The following SPTBN1 variants were observed in gnomAD, a reference collection of about 807,000 sequenced individuals.
The protein encoded by SPTBN1 is spectrin beta, non-erythrocytic 1.
In SPTBN1, 32 loss-of-function variants were observed where a neutral mutation model predicts 266.4. That is an observed-to-expected ratio of 0.12 (90% CI 0.09 to 0.16). The LOEUF is 0.16. Ranked by LOEUF, SPTBN1 falls within the 10% of genes least tolerant of loss-of-function variation. The pLI is 1.00. For missense variants in SPTBN1, 2,296 were observed against 3,067.1 expected, an observed-to-expected ratio of 0.75 and a Z score of 5.94; for synonymous variants, 1,336 against 1,162.2, an observed-to-expected ratio of 1.15 and a Z score of -3.04.
intron 2 of SPTBN1, among the ~76,000 whole-genome samples, chr2:54,528,873 T>TG (rs150543482): frequency 0.019 from 2,932 of 152,146 alleles, 100 homozygotes; most frequent in African/African-American, 0.064. Context: ...TGATACTGGA[T>TG]GGGGGGGCAG....
intron 7 of SPTBN1, 78 bp downstream of exon 7, chr2:54,618,271 C>A: frequency 8.1e-7 from 1 of 1,228,670 alleles, no homozygotes; most frequent in Non-Finnish European, 1.1e-6. Flanking sequence ...TGTTTTGTGT[C>A]AGTCTGTTTC....
At chr2:54,542,715 G>A (rs552206565) in intron 2 of SPTBN1, among the ~76,000 whole-genome samples, 1 of 152,148 alleles carries the variant, frequency 6.6e-6, no homozygotes, top group Non-Finnish European at 1.5e-5. Flanking sequence ...TGAGATTGTG[G>A]CTGAGGGCTT....
At chr2:54,532,012 G>A (rs1671279863) in intron 2 of SPTBN1, among the ~76,000 whole-genome samples, 4 of 152,104 alleles carry the variant, frequency 2.6e-5, no homozygotes, top group South Asian at 4.1e-4. Context: ...TAGAATTGCC[G>A]GGCGCAGTGG....
In SPTBN1 at chr2:54,661,944, C is replaced by T. The variant is rs990418049; in HGVS notation, c.6420+1945C>T. ...ATAACAAAATTTTAATTACAATTGG[C>T]TTGTATGAGAAGAAAAAGTATTTTT... On this transcript the variant is annotated intron_variant, in intron 32 of 35. Coordinates refer to ENST00000356805, the MANE Select transcript of SPTBN1 (RefSeq NM_003128.3). 6.1e-6 allele frequency: 6 copies of T among 985,138 alleles called. No homozygotes were observed. In the African/African-American group the frequency reaches 1.0e-4, roughly 17 times the overall value. The allele number at this position is 985,138 out of a possible 1,614,324, so 61.0% of individuals were successfully genotyped here.
rs751322917 is a variant in SPTBN1 at position 54,621,526 on chromosome 2, A to G, written c.876+14A>G. ...CGAATTGGAAAGGTGAGCTGGTGCC[A>G]ATTTTGTGAGTTGTGAGACATAATT... On this transcript the variant is annotated intron_variant, in intron 8 of 35. Transcript: ENST00000356805. The G allele has an allele frequency of 1.2e-6, 2 of 1,602,102 alleles. No individual in the cohort carries two copies. The highest frequency in any genetic ancestry group is 1.7e-4 in the Middle Eastern group (1 of 5,944).
At position 54,645,837 on chromosome 2, in the gene SPTBN1, C is replaced by T. The variant is rs764859472; in HGVS notation, c.4495-91C>T. The T allele has an allele frequency of 2.0e-5, 28 of 1,408,370 alleles. No homozygotes were observed. In the South Asian group the frequency reaches 2.5e-4, roughly 13 times the overall value. The allele number at this position is 1,408,370 out of a possible 1,614,324, so 87.2% of individuals were successfully genotyped here. A position where few individuals can be genotyped will look rare whatever the true frequency, so the allele number is the denominator to read the frequency against. ...GGCTGAGCACTCTCTGAAGCTCACC[C>T]TTGCTGTCCCTCACTGCCCCTCACT... On this transcript the variant is annotated intron_variant, in intron 21 of 35. Coordinates refer to ENST00000356805, the MANE Select transcript of SPTBN1 (RefSeq NM_003128.3). The surrounding 1 kb of genome is among the most constrained non-coding windows in gnomAD (Gnocchi z 4.3).
chr2:54,571,131 G>T (rs998087601), intron 2 of SPTBN1, among the ~76,000 whole-genome samples: 1 of 152,104 alleles, frequency 6.6e-6, no homozygotes, highest in African/African-American at 2.4e-5. Context: ...AGTGGTGGGG[G>T]TGGTCAGGAG....
chr2:54,617,879 A>T (rs1677716442), intron 6 of SPTBN1, among the ~76,000 whole-genome samples, 191 bp downstream of exon 6: 1 of 152,216 alleles, frequency 6.6e-6, no homozygotes, highest in Admixed American at 6.5e-5. Flanking sequence ...TTCTCCCTTA[A>T]TCTTTTTTTT....
chr2:54,555,673 C>A (rs990006594), intron 2 of SPTBN1, among the ~76,000 whole-genome samples: 1 of 152,132 alleles, frequency 6.6e-6, no homozygotes, highest in Non-Finnish European at 1.5e-5. Context: ...TGGCTCCAGA[C>A]CAGGCTTAGT....
chr2:54,615,458 C>A (rs377303980), intron 4 of SPTBN1, among the ~76,000 whole-genome samples: 1 of 152,226 alleles, frequency 6.6e-6, no homozygotes, highest in South Asian at 2.1e-4. Context: ...TCTAAAATTA[C>A]GTAGCTGGCA....
rs945044593 is a variant in SPTBN1, at chr2:54,624,890, C to G, written c.1269C>G (p.Leu423=). ...ELIRQEKLEQ[L]ARRFDRKAAM... ...TAAGACAGGAGAAACTGGAACAGCT[C>G]GCCCGCAGATTTGATCGCAAGGCAG... The change falls in exon 11 of 36, where the codon CTC becomes CTG. Residue 423 remains leucine, a synonymous_variant. Transcript: ENST00000356805. The G allele has an allele frequency of 6.2e-7, 1 of 1,614,052 alleles. No individual in the cohort carries two copies. Among genetic ancestry groups the G allele is most frequent in the East Asian group, 2.2e-5 (1 of 44,884 alleles).
chr2:54,623,678 A>T (rs1279107584), intron 10 of SPTBN1, 82 bp downstream of exon 10: 1 of 1,136,144 alleles, frequency 8.8e-7, no homozygotes, highest in Non-Finnish European at 1.3e-6. Context: ...TGCTAAGAGG[A>T]CAAGAGACTG....
rs568851585 is a variant in SPTBN1, at chr2:54,651,815, A to G, written c.5578-1794A>G. On this transcript the variant is annotated intron_variant, in intron 26 of 35. Coordinates refer to ENST00000356805, the MANE Select transcript of SPTBN1 (RefSeq NM_003128.3). ...TTTGAGTTAAACCTGAGCCATAATC[A>G]AAGAATATTTCCAAAAATCCTTTAG... 2.0e-5 allele frequency among the ~76,000 whole-genome samples: 3 copies of G among 152,344 alleles called. No individual in the cohort carries two copies. The South Asian group carries it at 6.2e-4, about 32-fold the overall frequency.
intron 2 of SPTBN1, among the ~76,000 whole-genome samples, chr2:54,590,802 G>A (rs780859130): frequency 1.2e-4 from 19 of 152,220 alleles, no homozygotes; most frequent in African/African-American, 4.6e-4. Flanking sequence ...TGCCTTAGGA[G>A]AGCCCGTTTG....
chr2:54,523,448 T>A (rs1194250625), intron 1 of SPTBN1, among the ~76,000 whole-genome samples: 1 of 152,090 alleles, frequency 6.6e-6, no homozygotes, highest in Admixed American at 6.5e-5. Context: ...CTCAGGAACA[T>A]GTGGGGTGTG....
intron 1 of SPTBN1, among the ~76,000 whole-genome samples, chr2:54,504,990 T>C (rs550666107): frequency 6.6e-6 from 1 of 152,320 alleles, no homozygotes; most frequent in East Asian, 1.9e-4. Context: ...GAATACTTTG[T>C]TTATAGAGTG....
intron 2 of SPTBN1, among the ~76,000 whole-genome samples, chr2:54,598,325 C>T (rs921148843): frequency 2.0e-5 from 3 of 152,174 alleles, no homozygotes; most frequent in Non-Finnish European, 4.4e-5. Context: ...TTTTTCTTCT[C>T]CTTTTATAGA....
At chr2:54,557,784 G>A in intron 2 of SPTBN1, 2 of 985,372 alleles carry the variant, frequency 2.0e-6, no homozygotes, top group Non-Finnish European at 2.4e-6. Context: ...CATATCCCCT[G>A]ATGGCAGCGT....
At position 54,543,826 on chromosome 2, in the gene SPTBN1, T is replaced by C. The variant is rs114175396; in HGVS notation, c.148+17260T>C. On this transcript the variant is annotated intron_variant, in intron 2 of 35. Transcript: ENST00000356805. ...GACTGAGGTTGGAGGAAGAGACAGA[T>C]GGGAGTGGGAGATGCATGTTCTTTG... Among the ~76,000 whole-genome samples, 999 of 152,140 alleles carry C rather than the reference T, an allele frequency of 6.6e-3. 14 individuals are homozygous for C. The highest frequency in any genetic ancestry group is 0.023 in the African/African-American group (962 of 41,504).
Sources: gnomAD v4.1 joint callset for allele counts (sites outside exome capture counted in the v4.1 genomes callset) on GRCh38, gnomAD v4.1.1 for gene constraint, Gnocchi (gnomAD v3.1) non-coding constraint, MANE v1.5 for transcripts, NCBI Gene and HGNC (gene_info 2026-07-23, HGNC 2026-07-21) for gene names.